Variants in PDCD4 observed in about 807,000 individuals in gnomAD.
PDCD4 encodes programmed cell death 4.
PDCD4 carries 56 observed loss-of-function variants against 54.0 expected under a neutral mutation model. The ratio of observed to expected loss-of-function variants is 1.04; its 90% CI spans 0.84 to 1.30. The LOEUF (loss-of-function observed/expected upper bound fraction) is 1.30, where lower values mean the gene tolerates loss of function less well. PDCD4 is among the 50% of genes most tolerant of loss of function. The pLI is 0.00. For missense variants in PDCD4, 584 were observed against 559.8 expected, an observed-to-expected ratio of 1.04 and a Z score of -0.44; for synonymous variants, 186 against 194.8, an observed-to-expected ratio of 0.95 and a Z score of 0.37.
At chr10:110,873,452 G>C (rs910101231) in intron 1 of PDCD4, among the ~76,000 whole-genome samples, 2 of 152,210 alleles carry the variant, frequency 1.3e-5, no homozygotes, top group African/African-American at 4.8e-5. Context: ...TATATTTCGT[G>C]GGGGAGTGGA....
At chr10:110,895,830 A>G (rs1845823029) in intron 10 of PDCD4, 118 bp from the exon 11 acceptor site, 1 of 693,492 alleles carries the variant, frequency 1.4e-6, no homozygotes. Flanking sequence ...ATCTGACTTC[A>G]GTTTAACCAT....
Position 110,894,527 on chromosome 10 carries a change from G to A in PDCD4, c.1209+5G>A. 8.5e-7 allele frequency: 1 copy of A among 1,173,594 alleles called. No individual in the cohort carries two copies. Among genetic ancestry groups the A allele is most frequent in the Non-Finnish European group, 1.3e-6 (1 of 792,214 alleles). The allele number at this position is 1,173,594 out of a possible 1,614,324, so 72.7% of individuals were successfully genotyped here. A position where few individuals can be genotyped will look rare whatever the true frequency, so the allele number is the denominator to read the frequency against. On this transcript the variant is annotated splice_donor_5th_base_variant and intron_variant, in intron 10 of 11. Coordinates refer to ENST00000280154, the MANE Select transcript of PDCD4 (RefSeq NM_014456.5). ...ACTGTAGACCAAATGAAAAGAGTAA[G>A]TATAACATTGTTTTTGAACAACTTG... is the stretch of plus-strand genomic sequence containing the variant.
Position 110,881,297 on chromosome 10 carries a change from A to T in PDCD4, c.108A>T (p.Ile36=), listed in dbSNP as rs1170389906. ...GDEENAGTEE[I]KNEINGNWIS... is the part of the protein sequence containing the mutation. ...AAGAAAATGCTGGGACTGAGGAAATAAAGAATGAAATAAATGGAAATTGGA... is the reference window on the plus strand; with the variant it reads ...AAGAAAATGCTGGGACTGAGGAAATTAAGAATGAAATAAATGGAAATTGGA... The change falls in exon 3 of 12, where the codon ATA becomes ATT. Residue 36 remains isoleucine (I), a synonymous_variant. Transcript: ENST00000280154. 6.2e-7 allele frequency: 1 copy of T among 1,613,572 alleles called. No individual in the cohort carries two copies. Among genetic ancestry groups the T allele is most frequent in the Middle Eastern group, 1.7e-4 (1 of 6,058 alleles).
At chr10:110,876,133 C>T in intron 2 of PDCD4, 63 bp downstream of exon 2, 2 of 1,397,794 alleles carry the variant, frequency 1.4e-6, no homozygotes, top group Non-Finnish European at 2.0e-6. Context: ...GCTCTGTCAC[C>T]CAGGCTGGAG....
In PDCD4 at chr10:110,890,667, A is replaced by G; in HGVS notation, c.987A>G (p.Lys329=). The stretch of plus-strand genomic sequence containing the variant: ...AGCAATCTGTCAATCACCTTGTTAA[A>G]GAGGTAATGATTGGGTATTGTTTTT... ...GGQQSVNHLV[K]EIDMLLKEYL... Residue 329 remains lysine, a synonymous_variant, in exon 8 of 12, where the codon AAA becomes AAG. Coordinates refer to ENST00000280154, the MANE Select transcript of PDCD4 (RefSeq NM_014456.5). 1.9e-6 allele frequency: 3 copies of G among 1,577,932 alleles called. No homozygotes were observed.
intron 1 of PDCD4, among the ~76,000 whole-genome samples, chr10:110,872,393 C>A (rs1355391431): frequency 1.3e-5 from 2 of 152,138 alleles, no homozygotes; most frequent in Non-Finnish European, 2.9e-5. Context: ...ATTCGGGGGC[C>A]GGGATTGGAA....
At chr10:110,873,483 G>A (rs911625433) in intron 1 of PDCD4, among the ~76,000 whole-genome samples, 17 of 152,192 alleles carry the variant, frequency 1.1e-4, no homozygotes, top group African/African-American at 4.1e-4. Context: ...CTTAGGGAAT[G>A]TCTTGGCAGT....
intron 11 of PDCD4, among the ~76,000 whole-genome samples, chr10:110,897,213 CTG>C (rs1274699389): frequency 8.5e-5 from 13 of 152,190 alleles, no homozygotes; most frequent in African/African-American, 3.1e-4. Context: ...CTGATTGTTT[CTG>C]TGTGGCTTTA....
At position 110,899,337 on chromosome 10, in the gene PDCD4, TGGGCTTTATCAA is replaced by T. The variant is rs1441291023; in HGVS notation, c.*1251_*1262del. On this transcript the variant is annotated 3_prime_UTR_variant, in exon 12 of 12. Coordinates refer to ENST00000280154, the MANE Select transcript of PDCD4 (RefSeq NM_014456.5). Reference sequence around the variant, plus strand: ...AAGTTTAGTGTTCATATTTACCTCATGGGCTTTATCAAGCCCATATTACCTCAGCTTATATAT... The same window carrying T: ...AAGTTTAGTGTTCATATTTACCTCATGCCCATATTACCTCAGCTTATATAT... The T allele has an allele frequency of 6.6e-6, 1 of 152,238 alleles. No individual in the cohort carries two copies. The highest frequency in any genetic ancestry group is 1.5e-5 in the Non-Finnish European group (1 of 68,048). 9.4% of individuals were successfully genotyped at this position (152,238 alleles called of 1,614,324 possible). A position where few individuals can be genotyped will look rare whatever the true frequency, so the allele number is the denominator to read the frequency against.
intron 5 of PDCD4, among the ~76,000 whole-genome samples, chr10:110,886,869 A>G (rs528726130): frequency 6.6e-6 from 1 of 152,302 alleles, no homozygotes; most frequent in South Asian, 2.1e-4. Flanking sequence ...CCATTTAAAA[A>G]CAGTTGTTTA....
chr10:110,896,726 T>C (rs1845839118), intron 11 of PDCD4, among the ~76,000 whole-genome samples: 1 of 152,196 alleles, frequency 6.6e-6, no homozygotes. Context: ...TGTTTAGTAA[T>C]AGCTAAACTT....
chr10:110,880,640 G>A (rs1363759292), intron 2 of PDCD4, among the ~76,000 whole-genome samples: 1 of 152,114 alleles, frequency 6.6e-6, no homozygotes, highest in Admixed American at 6.6e-5. Flanking sequence ...TTCTCTTTTG[G>A]ATTACTAATA....
intron 1 of PDCD4, among the ~76,000 whole-genome samples, chr10:110,874,267 TATA>T (rs1845468100): frequency 6.6e-6 from 1 of 152,234 alleles, no homozygotes; most frequent in African/African-American, 2.4e-5. Context: ...GAACATCAAT[TATA>T]ATCATTTCGC....
At chr10:110,896,156 A>T (rs1257733045) in intron 11 of PDCD4, 69 bp downstream of exon 11, 4 of 1,200,392 alleles carry the variant, frequency 3.3e-6, no homozygotes, top group Admixed American at 2.2e-5. Context: ...GTTAACTGCT[A>T]AGTTAGTTTA....
chr10:110,884,075 A>G (rs1318596086), intron 4 of PDCD4, among the ~76,000 whole-genome samples: 1 of 152,166 alleles, frequency 6.6e-6, no homozygotes. Flanking sequence ...GAAAATATTG[A>G]GTGGAAACTT....
chr10:110,885,112 A>G (rs1354507572), intron 4 of PDCD4, 141 bp from the exon 5 acceptor site: 1 of 496,314 alleles, frequency 2.0e-6, no homozygotes, highest in Non-Finnish European at 3.6e-6. Context: ...CTATTTTTAT[A>G]TGCGATCAAT....
chr10:110,893,326 G>T (rs1845784509), intron 8 of PDCD4, among the ~76,000 whole-genome samples: 1 of 150,868 alleles, frequency 6.6e-6, no homozygotes, highest in Non-Finnish European at 1.5e-5. Flanking sequence ...ATATCTTATA[G>T]AAGTTGGAAG....
chr10:110,895,614 T>C (rs909056582), intron 10 of PDCD4, among the ~76,000 whole-genome samples: 1 of 152,196 alleles, frequency 6.6e-6, no homozygotes, highest in African/African-American at 2.4e-5. Flanking sequence ...ATTGTCGGGT[T>C]GAACGGTAAT....
Position 110,889,518 on chromosome 10 carries a change from T to G in PDCD4, c.778-15T>G. The G allele has an allele frequency of 6.9e-7, 1 of 1,450,660 alleles. No homozygotes were observed. Among genetic ancestry groups the G allele is most frequent in the Non-Finnish European group, 9.5e-7 (1 of 1,048,502 alleles). 89.9% of individuals were successfully genotyped at this position (1,450,660 alleles called of 1,614,324 possible). ...TTAACTTTTTTTATAGCTCTTTTTT[T>G]TTTCCTTTTTACAGTTGGTGGGCCA... On this transcript the variant is annotated splice_polypyrimidine_tract_variant and intron_variant, in intron 6 of 11. Transcript: ENST00000280154.
Sources: allele counts gnomAD v4.1 joint callset (sites outside exome capture counted in the v4.1 genomes callset), GRCh38; gene constraint gnomAD v4.1.1; transcripts MANE v1.5; gene names NCBI Gene and HGNC (gene_info 2026-07-23, HGNC 2026-07-21).